FOXP2: variants seen among roughly 807,000 people sequenced by gnomAD.
FOXP2 encodes forkhead box protein P2.
FOXP2 carries 12 observed loss-of-function variants against 115.8 expected under a neutral mutation model. That is an observed-to-expected ratio of 0.10 (90% CI 0.07 to 0.17). The LOEUF (loss-of-function observed/expected upper bound fraction) is 0.17. Ranked by LOEUF, FOXP2 falls within the 10% of genes least tolerant of loss-of-function variation. The pLI, the probability that FOXP2 is intolerant of heterozygous loss-of-function variation, is 1.00. For synonymous variants in FOXP2, 328 were observed against 297.7 expected, an observed-to-expected ratio of 1.10 and a Z score of -1.05; for missense variants, 629 against 843.5, an observed-to-expected ratio of 0.75 and a Z score of 3.15.
At chr7:114,341,301 T>C (rs954683016) in intron 2 of FOXP2, among the ~76,000 whole-genome samples, 1 of 151,212 alleles carries the variant, frequency 6.6e-6, no homozygotes, top group African/African-American at 2.4e-5. Context: ...CAGTAAGACA[T>C]CGTCTTTATT....
intron 2 of FOXP2, among the ~76,000 whole-genome samples, chr7:114,449,634 A>G (rs562385431): frequency 1.3e-5 from 2 of 152,158 alleles, no homozygotes; most frequent in East Asian, 3.9e-4. Context: ...TTGAATACTC[A>G]CCAGTATTCC....
chr7:114,422,001 T>C (rs1793643801), intron 1 of FOXP2, among the ~76,000 whole-genome samples: 1 of 151,772 alleles, frequency 6.6e-6, no homozygotes, highest in Admixed American at 6.6e-5. Context: ...TTGTTACATA[T>C]GTTAAGTTTT....
Position 114,245,269 on chromosome 7 carries a change from T to C in FOXP2, c.-101-42750T>C, listed in dbSNP as rs139964447. Reference sequence around the variant, plus strand: ...GAATTACACAGTGCCTTGAACATAATTGATGCTCAAATATTTAGAGAGTGA... The same window carrying C: ...GAATTACACAGTGCCTTGAACATAACTGATGCTCAAATATTTAGAGAGTGA... On this transcript the variant is annotated intron_variant, in intron 1 of 17. Coordinates refer to the FOXP2 transcript ENST00000634411. 5.9e-3 allele frequency among the ~76,000 whole-genome samples: 905 copies of C among 152,324 alleles called. 2 individuals are homozygous for C. The highest frequency in any genetic ancestry group is 0.02 in the Middle Eastern group (6 of 294).
At chr7:114,482,032 A>C (rs1037235856) in intron 2 of FOXP2, among the ~76,000 whole-genome samples, 2 of 151,328 alleles carry the variant, frequency 1.3e-5, no homozygotes, top group African/African-American at 4.8e-5. Flanking sequence ...CTTAGTTACT[A>C]TTCCTCCTAG....
At chr7:114,218,576 C>T (rs956157572) in intron 1 of FOXP2, among the ~76,000 whole-genome samples, 2 of 152,112 alleles carry the variant, frequency 1.3e-5, no homozygotes, top group Non-Finnish European at 2.9e-5. Context: ...TCAAGAAAGC[C>T]ACATTCTTTA....
chr7:114,418,338 C>A (rs960987755), intron 1 of FOXP2, among the ~76,000 whole-genome samples: 9 of 151,882 alleles, frequency 5.9e-5, no homozygotes, highest in Non-Finnish European at 1.2e-4. Context: ...AGCCCTCCAA[C>A]ATAATGACCC....
At chr7:114,168,546 G>T (rs1018838085) in intron 1 of FOXP2, among the ~76,000 whole-genome samples, 1 of 152,124 alleles carries the variant, frequency 6.6e-6, no homozygotes, top group Non-Finnish European at 1.5e-5. Flanking sequence ...CATTCAAGAG[G>T]TAACTTGGGT....
At chr7:114,583,674 T>C (rs1391249954) in intron 3 of FOXP2, among the ~76,000 whole-genome samples, 1 of 152,256 alleles carries the variant, frequency 6.6e-6, no homozygotes, top group Non-Finnish European at 1.5e-5. Context: ...TCACCGATGA[T>C]ATTTCTGCTT....
chr7:114,296,910 T>C (rs1037647673), intron 2 of FOXP2, among the ~76,000 whole-genome samples: 1 of 152,216 alleles, frequency 6.6e-6, no homozygotes, highest in Non-Finnish European at 1.5e-5. Flanking sequence ...TAATTTATCT[T>C]GTAGTTTCTC....
At chr7:114,089,637 T>C (rs939111204) in intron 1 of FOXP2, among the ~76,000 whole-genome samples, 1 of 151,916 alleles carries the variant, frequency 6.6e-6, no homozygotes, top group African/African-American at 2.4e-5. Flanking sequence ...GCACTTCTTA[T>C]ATTGCAGTGG....
chr7:114,367,505 GTAA>G (rs1791909610), intron 2 of FOXP2, among the ~76,000 whole-genome samples: 1 of 152,080 alleles, frequency 6.6e-6, no homozygotes. Flanking sequence ...GCCAGTATAA[GTAA>G]TAATAAGTTA....
intron 2 of FOXP2, among the ~76,000 whole-genome samples, chr7:114,296,426 T>C (rs1796742496): frequency 6.6e-6 from 1 of 152,208 alleles, no homozygotes; most frequent in Non-Finnish European, 1.5e-5. Context: ...ATTTTGAGCA[T>C]TTTATTCACT....
At chr7:114,602,308 G>C (rs1410734837) in intron 3 of FOXP2, among the ~76,000 whole-genome samples, 1 of 151,620 alleles carries the variant, frequency 6.6e-6, no homozygotes, top group African/African-American at 2.4e-5. Context: ...GCTGTCTTTT[G>C]CTTACTGCTT....
chr7:114,117,946 T>C (rs563169394), intron 1 of FOXP2, among the ~76,000 whole-genome samples: 3 of 152,186 alleles, frequency 2.0e-5, no homozygotes, highest in South Asian at 2.1e-4. Context: ...AGGGTCACTA[T>C]TCCCATTCAT....
chr7:114,191,001 A>G (rs1793745066), intron 1 of FOXP2, among the ~76,000 whole-genome samples: 1 of 152,070 alleles, frequency 6.6e-6, no homozygotes, highest in Admixed American at 6.6e-5. Flanking sequence ...AGATCTGGGG[A>G]TATCTGTGGT....
intron 2 of FOXP2, among the ~76,000 whole-genome samples, chr7:114,300,129 C>T (rs552429307): frequency 2.0e-5 from 3 of 152,036 alleles, no homozygotes; most frequent in South Asian, 2.1e-4. Context: ...AAGCTACTAG[C>T]TTTTTCTTAT....
upstream of FOXP2, among the ~76,000 whole-genome samples, chr7:114,412,396 C>T (rs767744862): frequency 2.6e-5 from 4 of 151,988 alleles, no homozygotes; most frequent in Non-Finnish European, 5.9e-5. Context: ...CAGGTGATAT[C>T]GAAGAGTAGT....
chr7:114,274,814 TG>T (rs1796149415), intron 1 of FOXP2, among the ~76,000 whole-genome samples: 1 of 151,388 alleles, frequency 6.6e-6, no homozygotes, highest in South Asian at 2.1e-4. Context: ...TTTGTTTTTT[TG>T]TTTTTTTGTT....
intron 3 of FOXP2, among the ~76,000 whole-genome samples, chr7:114,596,358 G>A (rs1242503727): frequency 5.3e-5 from 8 of 151,958 alleles, no homozygotes; most frequent in Non-Finnish European, 1.2e-4. Flanking sequence ...TTGAAAGCTG[G>A]GATTAAGCTG....
Sources: allele counts gnomAD v4.1 joint callset (sites outside exome capture counted in the v4.1 genomes callset), GRCh38; gene constraint gnomAD v4.1.1; transcripts MANE v1.5; gene names NCBI Gene and HGNC (gene_info 2026-07-23, HGNC 2026-07-21).